Variants in PHTF2 observed in about 807,000 individuals in gnomAD.
The protein encoded by PHTF2 is protein PHTF2.
PHTF2 carries 60 observed loss-of-function variants against 101.2 expected under a neutral mutation model. That is an observed-to-expected ratio of 0.59 (90% CI 0.48 to 0.73). The LOEUF is 0.73. Among genes scored for constraint, PHTF2 ranks in the 30% least tolerant of loss-of-function variants. The pLI is 0.00. For missense variants in PHTF2, 747 were observed against 908.7 expected (o/e 0.82, Z 2.29); for synonymous variants, 311 against 307.3 (o/e 1.01, Z -0.13).
chr7:77,816,614 ATAT>A (rs1182886990), intron 1 of PHTF2, among the ~76,000 whole-genome samples: 1 of 152,204 alleles, frequency 6.6e-6, no homozygotes, highest in East Asian at 1.9e-4. Flanking sequence ...TTGCAACTAT[ATAT>A]TATTGTTAAC....
At chr7:77,915,114 G>T (rs977559183) in intron 9 of PHTF2, among the ~76,000 whole-genome samples, 1 of 151,830 alleles carries the variant, frequency 6.6e-6, no homozygotes, top group Non-Finnish European at 1.5e-5. Flanking sequence ...GTTTCACCGT[G>T]TTGGCTGGGA....
chr7:77,854,374 A>G (rs561282716), intron 2 of PHTF2, among the ~76,000 whole-genome samples: 3 of 152,214 alleles, frequency 2.0e-5, no homozygotes, highest in Admixed American at 6.5e-5. Context: ...GGCTACCACT[A>G]CTAGGACTGT....
At chr7:77,923,696 C>A (rs763031932) in intron 11 of PHTF2, 82 of 985,200 alleles carry the variant, frequency 8.3e-5, no homozygotes, top group Non-Finnish European at 9.5e-5. Flanking sequence ...AGCCAGATAA[C>A]CAAGCTTGTA....
At chr7:77,804,690 A>G (rs1792834228) in intron 1 of PHTF2, among the ~76,000 whole-genome samples, 2 of 152,110 alleles carry the variant, frequency 1.3e-5, no homozygotes. Flanking sequence ...GTTCCTCTCC[A>G]TATCTTTAAT....
chr7:77,836,941 T>C (rs1795519523), intron 1 of PHTF2, among the ~76,000 whole-genome samples: 1 of 148,696 alleles, frequency 6.7e-6, no homozygotes, highest in African/African-American at 2.5e-5. Flanking sequence ...ATTCTGCACA[T>C]GTACCCCAAA....
At chr7:77,892,010 G>T (rs1800468933) in intron 3 of PHTF2, among the ~76,000 whole-genome samples, 1 of 152,240 alleles carries the variant, frequency 6.6e-6, no homozygotes. Context: ...GGGTGCGTTG[G>T]CTCACGCCTG....
At chr7:77,929,548 T>A (rs1049631544) in intron 12 of PHTF2, among the ~76,000 whole-genome samples, 1 of 152,206 alleles carries the variant, frequency 6.6e-6, no homozygotes, top group South Asian at 2.1e-4. Context: ...AACTGGAGTT[T>A]CGTAAGTCAA....
In PHTF2 at chr7:77,870,247, G is replaced by T. The variant is rs1161521871; in HGVS notation, c.147+15413G>T. Among the ~76,000 whole-genome samples, 932 of 132,330 alleles carry T rather than the reference G, an allele frequency of 7.0e-3. 12 individuals carry two copies. The highest frequency in any genetic ancestry group is 0.021 in the African/African-American group (786 of 37,086). The allele number at this position is 132,330 out of a possible 152,430, so 86.8% of individuals were successfully genotyped here. A position where few individuals can be genotyped will look rare whatever the true frequency, so the allele number is the denominator to read the frequency against. On this transcript the variant is annotated intron_variant, in intron 3 of 19. Coordinates refer to ENST00000416283, the Ensembl canonical transcript of PHTF2. ...TACTTTTAAATCTTTAATCCATTTTGTTTTTTTTTTTTTTGGTATGTTGTA... is the reference window on the plus strand; with the variant it reads ...TACTTTTAAATCTTTAATCCATTTTTTTTTTTTTTTTTTTGGTATGTTGTA...
At chr7:77,848,571 T>C (rs887022436) in intron 2 of PHTF2, among the ~76,000 whole-genome samples, 8 of 152,238 alleles carry the variant, frequency 5.3e-5, no homozygotes, top group Non-Finnish European at 7.3e-5. Flanking sequence ...ATTTTTTTCC[T>C]ATAGAGTTGT....
chr7:77,877,841 C>G (rs755755098), intron 3 of PHTF2, among the ~76,000 whole-genome samples: 3 of 152,136 alleles, frequency 2.0e-5, no homozygotes, highest in Non-Finnish European at 2.9e-5. Context: ...TAATTTTATT[C>G]CTCTGTCTCA....
chr7:77,833,789 G>A (rs563633305), intron 1 of PHTF2, among the ~76,000 whole-genome samples: 1 of 152,274 alleles, frequency 6.6e-6, no homozygotes, highest in African/African-American at 2.4e-5. Flanking sequence ...TCAAGCCACT[G>A]CACTTCAGTC....
chr7:77,872,084 C>T (rs565203209), intron 3 of PHTF2, among the ~76,000 whole-genome samples: 38 of 152,202 alleles, frequency 2.5e-4, no homozygotes, highest in Non-Finnish European at 3.2e-4. Flanking sequence ...GTGTTGGTCT[C>T]TGCTGCTGGC....
intron 3 of PHTF2, among the ~76,000 whole-genome samples, chr7:77,859,264 G>A (rs1224004881): frequency 6.6e-6 from 1 of 152,136 alleles, no homozygotes; most frequent in Non-Finnish European, 1.5e-5. Flanking sequence ...CTGAGGTTCC[G>A]GTGCATGTGA....
chr7:77,864,832 G>C (rs1408765287), intron 3 of PHTF2, among the ~76,000 whole-genome samples: 1 of 151,242 alleles, frequency 6.6e-6, no homozygotes, highest in Non-Finnish European at 1.5e-5. Context: ...TAATATTGTA[G>C]TTACCTAGCA....
chr7:77,857,409 C>G (rs1180931983), intron 3 of PHTF2, among the ~76,000 whole-genome samples: 1 of 152,176 alleles, frequency 6.6e-6, no homozygotes, highest in Non-Finnish European at 1.5e-5. Context: ...TTGAGTAGTT[C>G]AGCCATTATC....
At chr7:77,815,149 A>C (rs972275548) in intron 1 of PHTF2, among the ~76,000 whole-genome samples, 2 of 152,150 alleles carry the variant, frequency 1.3e-5, no homozygotes, top group African/African-American at 4.8e-5. Context: ...ACTACACCAC[A>C]AAAAGGACCC....
At chr7:77,852,595 T>G (rs1796853914) in intron 2 of PHTF2, among the ~76,000 whole-genome samples, 1 of 152,254 alleles carries the variant, frequency 6.6e-6, no homozygotes, top group African/African-American at 2.4e-5. Flanking sequence ...TCTTTTAGTC[T>G]TTCTACTCAA....
chr7:77,804,606 G>A (rs763523044), intron 1 of PHTF2, among the ~76,000 whole-genome samples: 22 of 152,176 alleles, frequency 1.4e-4, no homozygotes, highest in Non-Finnish European at 2.6e-4. Context: ...GATTACAGGC[G>A]TGAGCCACTA....
At chr7:77,840,451 AGAT>A (rs1795781877) in intron 2 of PHTF2, among the ~76,000 whole-genome samples, 151 bp downstream of exon 2, 1 of 152,222 alleles carries the variant, frequency 6.6e-6, no homozygotes, top group Non-Finnish European at 1.5e-5. Context: ...TAAATTGGAA[AGAT>A]GATGCTTAAA....
Sources: gnomAD v4.1 joint callset for allele counts (sites outside exome capture counted in the v4.1 genomes callset) on GRCh38, gnomAD v4.1.1 for gene constraint, MANE v1.5 for transcripts, NCBI Gene and HGNC (gene_info 2026-07-23, HGNC 2026-07-21) for gene names.